ZC3H6: variants seen among roughly 807,000 people sequenced by gnomAD.
ZC3H6 encodes zinc finger CCCH-type containing 6, also known as zinc finger CCCH domain-containing protein 6.
A neutral mutation model predicts 107.7 loss-of-function variants in ZC3H6; 40 were observed. The ratio of observed to expected loss-of-function variants is 0.37; its 90% CI spans 0.29 to 0.48. The LOEUF (loss-of-function observed/expected upper bound fraction) is 0.48, where lower values mean the gene tolerates loss of function less well. ZC3H6 is among the 20% of genes least tolerant of loss of function. ZC3H6 has a pLI of 0.98. For synonymous variants in ZC3H6, 493 were observed against 487.9 expected (o/e 1.01, Z -0.14); for missense variants, 1,267 against 1,410.4 (o/e 0.90, Z 1.63).
chr2:112,299,506 A>C (rs983060468), intron 1 of ZC3H6, among the ~76,000 whole-genome samples: 13 of 152,176 alleles, frequency 8.5e-5, no homozygotes, highest in Non-Finnish European at 1.5e-4. Flanking sequence ...AAAATTTAGT[A>C]GATGGTAACT....
At position 112,323,476 on chromosome 2, in the gene ZC3H6, A is replaced by C. The variant is rs1177502209; in HGVS notation, c.1340+574A>C. 2.0e-5 allele frequency among the ~76,000 whole-genome samples: 3 copies of C among 152,220 alleles called. No homozygotes were observed. In the East Asian group the frequency reaches 5.8e-4, roughly 29 times the overall value. On this transcript the variant is annotated intron_variant, in intron 9 of 11. Transcript: ENST00000409871. ...ATAGCAAATATCACAATTCATTTGA[A>C]CCATTAAAAGTATTTCTACTAATGT...
At chr2:112,288,873 C>G (rs1192151831) in intron 1 of ZC3H6, among the ~76,000 whole-genome samples, 1 of 152,144 alleles carries the variant, frequency 6.6e-6, no homozygotes, top group African/African-American at 2.4e-5. Context: ...TTAGGGCAAT[C>G]ACCTACCTCA....
At chr2:112,276,529 T>G (rs529470575) in intron 1 of ZC3H6, among the ~76,000 whole-genome samples, 1 of 152,318 alleles carries the variant, frequency 6.6e-6, no homozygotes, top group African/African-American at 2.4e-5. Flanking sequence ...GTATACAGTC[T>G]TATCCCTTGG....
intron 3 of ZC3H6, among the ~76,000 whole-genome samples, chr2:112,305,571 C>T (rs997755637): frequency 2.6e-5 from 4 of 152,086 alleles, no homozygotes; most frequent in Non-Finnish European, 4.4e-5. Flanking sequence ...ATTAAGAAAA[C>T]GGATGGTCTT....
intron 1 of ZC3H6, among the ~76,000 whole-genome samples, chr2:112,276,287 C>T (rs1411649249): frequency 3.3e-5 from 5 of 149,768 alleles, no homozygotes; most frequent in African/African-American, 1.2e-4. Flanking sequence ...AGCCCCCCGC[C>T]CCCCGGGCGG....
Position 112,329,372 on chromosome 2 carries a change from A to G in ZC3H6, c.2087-1633A>G, listed in dbSNP as rs1406766634. Among the ~76,000 whole-genome samples, 4 of 152,208 alleles carry G rather than the reference A, an allele frequency of 2.6e-5. No individual in the cohort carries two copies. In the East Asian group the frequency reaches 7.7e-4, roughly 29 times the overall value. ...TGAAAAGAAAGTAAGGATAGAAGTAACAAATACTATGAGGAGTGAAATTAC... is the reference window on the plus strand; with the variant it reads ...TGAAAAGAAAGTAAGGATAGAAGTAGCAAATACTATGAGGAGTGAAATTAC... On this transcript the variant is annotated intron_variant, in intron 11 of 11. Coordinates refer to ENST00000409871, the MANE Select transcript of ZC3H6 (RefSeq NM_198581.3).
rs1438383610 is a variant in ZC3H6, at chr2:112,332,313, T to A, written c.3395T>A (p.Leu1132His). The change falls in exon 12 of 12, where the codon CTT becomes CAT. Residue 1132 changes from leucine (L) to histidine (H), a missense_variant. Leu to His is a moderately conservative substitution (Grantham distance 99). Coordinates refer to ENST00000409871, the MANE Select transcript of ZC3H6 (RefSeq NM_198581.3). ...GKVQVPAVHS[L>H]PVQALTGLIR... is the part of the protein sequence containing the mutation. ...GTTCAGGTCCCAGCAGTGCACAGCCTTCCTGTTCAGGCATTAACAGGCTTA... is the reference window on the plus strand; with the variant it reads ...GTTCAGGTCCCAGCAGTGCACAGCCATCCTGTTCAGGCATTAACAGGCTTA... 6.2e-7 allele frequency: 1 copy of A among 1,613,834 alleles called. No homozygotes were observed. Among genetic ancestry groups the A allele is most frequent in the Non-Finnish European group, 8.5e-7 (1 of 1,179,882 alleles).
At chr2:112,281,632 G>T (rs981232134) in intron 1 of ZC3H6, among the ~76,000 whole-genome samples, 9 of 152,222 alleles carry the variant, frequency 5.9e-5, no homozygotes, top group African/African-American at 2.2e-4. Flanking sequence ...CTAGAAATCA[G>T]ATGAGGACTT....
Position 112,324,356 on chromosome 2 carries a change from C to G in ZC3H6, c.1545C>G (p.Ser515Arg), listed in dbSNP as rs984121079. Reference sequence around the variant, plus strand: ...CTCCTGGTCTACCAGTGCCACAGAGCCCACCTTTACCACCTGGTCCACCTG... The same window carrying G: ...CTCCTGGTCTACCAGTGCCACAGAGGCCACCTTTACCACCTGGTCCACCTG... Reference protein sequence around the residue: ...AGPPGLPVPQSPPLPPGPPEI... With the variant: ...AGPPGLPVPQRPPLPPGPPEI... The change falls in exon 10 of 12, where the codon AGC becomes AGG. Residue 515 changes from serine to arginine, a missense_variant. This residue lies in a region of ZC3H6 where 925 missense variants were observed against 1,025.7 expected (regional missense o/e 0.90). Coordinates refer to ENST00000409871, the MANE Select transcript of ZC3H6 (RefSeq NM_198581.3). 1.2e-6 allele frequency: 2 copies of G among 1,613,972 alleles called. No individual in the cohort carries two copies. Among genetic ancestry groups the G allele is most frequent in the Non-Finnish European group, 1.7e-6 (2 of 1,179,868 alleles).
At chr2:112,290,956 C>G (rs6712457) in intron 1 of ZC3H6, among the ~76,000 whole-genome samples, 105,130 of 151,730 alleles carry the variant, frequency 0.69, 34,461 homozygotes, top group African/African-American at 0.91. Context: ...GTAATATCAT[C>G]AGGACCCAGA....
rs747737672 is a variant in ZC3H6, at chr2:112,322,895, G to A, written c.1333G>A (p.Gly445Arg). ...TACTGTGGATTTAGCGCATAAAATTGGGAGGAAGTAAGTGAAAAACTTTCA... is the reference window on the plus strand; with the variant it reads ...TACTGTGGATTTAGCGCATAAAATTAGGAGGAAGTAAGTGAAAAACTTTCA... Reference protein sequence around the residue: ...KPTVDLAHKIGRKPPAFYTSA... With the variant: ...KPTVDLAHKIRRKPPAFYTSA... Residue 445 changes from glycine to arginine, a missense_variant, in exon 9 of 12, where the codon GGG becomes AGG. Gly to Arg is a moderately radical substitution (Grantham distance 125, BLOSUM62 -2). Around this residue, in one of 3 missense-constraint regions of ZC3H6, gnomAD observed 925 missense variants for 1,025.7 expected, o/e 0.90. Transcript: ENST00000409871. 5 of 1,574,202 alleles carry A rather than the reference G, an allele frequency of 3.2e-6. No homozygotes were observed. The Admixed American group carries it at 1.0e-4, about 32-fold the overall frequency.
chr2:112,275,757 C>G lies in ZC3H6; in HGVS notation c.-238C>G. ...GAGACTAGAGCGGCAGCGCCGGCAG[C>G]GCGGGGCCGTTGCCCAGTGTTTGCA... On this transcript the variant is annotated 5_prime_UTR_variant, in exon 1 of 12. Transcript: ENST00000409871. 2.3e-6 allele frequency: 1 copy of G among 439,856 alleles called. No homozygotes were observed. The highest frequency in any genetic ancestry group is 4.0e-6 in the Non-Finnish European group (1 of 247,778). 27.2% of individuals were successfully genotyped at this position (439,856 alleles called of 1,614,324 possible). A position where few individuals can be genotyped will look rare whatever the true frequency, so the allele number is the denominator to read the frequency against.
At chr2:112,312,217 C>A (rs1676607649) in intron 5 of ZC3H6, 2 of 242,516 alleles carry the variant, frequency 8.2e-6, no homozygotes, top group South Asian at 9.7e-5. Flanking sequence ...TATTAGTCTT[C>A]TTTTGTGCTT....
At chr2:112,312,027 C>A in intron 5 of ZC3H6, 90 bp downstream of exon 5, 1 of 1,292,648 alleles carries the variant, frequency 7.7e-7, no homozygotes, top group Non-Finnish European at 1.0e-6. Context: ...TTTAATGATA[C>A]TTCTCTAGTA....
At chr2:112,286,776 T>C (rs1686618966) in intron 1 of ZC3H6, among the ~76,000 whole-genome samples, 1 of 152,172 alleles carries the variant, frequency 6.6e-6, no homozygotes, top group Non-Finnish European at 1.5e-5. Context: ...GGTAACTGAA[T>C]GATCATGCAA....
chr2:112,276,264 C>G (rs1178930726), intron 1 of ZC3H6, among the ~76,000 whole-genome samples: 1 of 148,960 alleles, frequency 6.7e-6, no homozygotes, highest in Non-Finnish European at 1.5e-5. Flanking sequence ...CCGCCCCCGG[C>G]CGGGCACGTG....
intron 1 of ZC3H6, among the ~76,000 whole-genome samples, chr2:112,298,299 C>G (rs1198975920): frequency 2.6e-5 from 4 of 151,982 alleles, no homozygotes; most frequent in Non-Finnish European, 5.9e-5. Flanking sequence ...CACAAACAGG[C>G]AAAGTATGCA....
rs1677123490 is a variant in ZC3H6, at chr2:112,335,528, G to T, written c.*3040G>T. On this transcript the variant is annotated 3_prime_UTR_variant, in exon 12 of 12. Coordinates refer to ENST00000409871, the MANE Select transcript of ZC3H6 (RefSeq NM_198581.3). ...TCTGTGTAATTTATATCAGTATCTA[G>T]TTGCTTATCTGTGAAATTGGGTTAA... is the stretch of plus-strand genomic sequence containing the variant. 1 of 151,974 alleles carries T rather than the reference G, an allele frequency of 6.6e-6. No homozygotes were observed. Among genetic ancestry groups the T allele is most frequent in the African/African-American group, 2.4e-5 (1 of 41,348 alleles). 9.4% of individuals were successfully genotyped at this position (151,974 alleles called of 1,614,324 possible). A position where few individuals can be genotyped will look rare whatever the true frequency, so the allele number is the denominator to read the frequency against.
intron 1 of ZC3H6, among the ~76,000 whole-genome samples, chr2:112,291,177 C>T (rs1043056768): frequency 6.6e-6 from 1 of 152,190 alleles, no homozygotes. Flanking sequence ...TCATCTTAAT[C>T]TCTAGAATTT....
Sources: gnomAD v4.1 joint callset for allele counts (sites outside exome capture counted in the v4.1 genomes callset) on GRCh38, gnomAD v4.1.1 for gene constraint, gnomAD v4.1.1 regional missense constraint, MANE v1.5 for transcripts, NCBI Gene and HGNC (gene_info 2026-07-23, HGNC 2026-07-21) for gene names.